Variants in FILIP1L observed in about 807,000 individuals in gnomAD.
FILIP1L encodes filamin A-interacting protein 1-like.
A neutral mutation model predicts 96.6 loss-of-function variants in FILIP1L; 55 were observed. That is an observed-to-expected ratio of 0.57 (90% CI 0.46 to 0.71). The LOEUF (loss-of-function observed/expected upper bound fraction) is 0.71. FILIP1L is among the 30% of genes least tolerant of loss of function. The pLI is 0.00. For missense variants in FILIP1L, 1,304 were observed against 1,321.2 expected (o/e 0.99, Z 0.20); for synonymous variants, 467 against 473.9 (o/e 0.99, Z 0.19).
At chr3:99,984,990 C>T (rs1034530493) in intron 1 of FILIP1L, among the ~76,000 whole-genome samples, 3 of 152,034 alleles carry the variant, frequency 2.0e-5, no homozygotes, top group Non-Finnish European at 4.4e-5. Context: ...TGAGATAACT[C>T]GTGTTAAAAA....
chr3:99,905,470 C>T (rs1233563259), intron 4 of FILIP1L, among the ~76,000 whole-genome samples: 4 of 152,210 alleles, frequency 2.6e-5, no homozygotes, highest in Non-Finnish European at 1.5e-5. Flanking sequence ...GTATGTCTTG[C>T]ATCTTTAGAA....
At chr3:99,859,381 G>A (rs1576521001) in intron 4 of FILIP1L, among the ~76,000 whole-genome samples, 2 of 152,286 alleles carry the variant, frequency 1.3e-5, no homozygotes, top group South Asian at 4.1e-4. Flanking sequence ...AGCTTGTTTG[G>A]TCTTAAGATG....
At chr3:99,967,307 A>G (rs145797433) in intron 1 of FILIP1L, among the ~76,000 whole-genome samples, 1 of 152,342 alleles carries the variant, frequency 6.6e-6, no homozygotes, top group East Asian at 1.9e-4. Context: ...AGTGTTGGTA[A>G]TAATGCCTTG....
intron 1 of FILIP1L, among the ~76,000 whole-genome samples, chr3:99,932,620 T>C (rs1707519096): frequency 6.6e-6 from 1 of 152,186 alleles, no homozygotes; most frequent in South Asian, 2.1e-4. Context: ...CCAGGCACAA[T>C]GGCTCACACC....
At chr3:99,899,934 A>G (rs1019384620) in intron 4 of FILIP1L, among the ~76,000 whole-genome samples, 1 of 152,228 alleles carries the variant, frequency 6.6e-6, no homozygotes, top group African/African-American at 2.4e-5. Flanking sequence ...TGTTACTAGT[A>G]CATTCCTAAG....
chr3:99,831,431 A>T (rs983178458), intron 5 of FILIP1L, among the ~76,000 whole-genome samples: 1 of 152,186 alleles, frequency 6.6e-6, no homozygotes, highest in Admixed American at 6.5e-5. Flanking sequence ...CATATTTTAT[A>T]GTAAGTATGC....
intron 1 of FILIP1L, among the ~76,000 whole-genome samples, chr3:100,005,313 C>G (rs910952463): frequency 2.0e-5 from 3 of 152,170 alleles, no homozygotes; most frequent in Non-Finnish European, 4.4e-5. Flanking sequence ...GTCACTCAAA[C>G]AGGCTGTCTT....
intron 1 of FILIP1L, among the ~76,000 whole-genome samples, chr3:99,992,687 G>GT (rs909530631): frequency 2.1e-4 from 31 of 150,820 alleles, no homozygotes; most frequent in South Asian, 4.2e-4. Flanking sequence ...AATTTGTCTA[G>GT]TTTTTTTTTG....
intron 5 of FILIP1L, chr3:99,833,095 A>G (rs527916055): frequency 2.8e-6 from 2 of 720,710 alleles, no homozygotes; most frequent in East Asian, 5.5e-5. Flanking sequence ...GGGTTTCATC[A>G]AAGAGCAGAT....
chr3:99,837,909 G>A (rs1942966182), intron 5 of FILIP1L, among the ~76,000 whole-genome samples: 1 of 152,158 alleles, frequency 6.6e-6, no homozygotes, highest in African/African-American at 2.4e-5. Flanking sequence ...TTTTCTGAAA[G>A]TCTTGGGTCA....
chr3:100,040,305 A>G (rs1373013275), intron 1 of FILIP1L: 1 of 152,146 alleles, frequency 6.6e-6, no homozygotes, highest in East Asian at 1.9e-4. Flanking sequence ...CTCTTTTAAA[A>G]AAAGTATTAA....
intron 4 of FILIP1L, among the ~76,000 whole-genome samples, chr3:99,872,685 G>A (rs1013232647): frequency 6.6e-6 from 1 of 151,874 alleles, no homozygotes; most frequent in Non-Finnish European, 1.5e-5. Flanking sequence ...CGGTCAGACT[G>A]GAAAAAGAAT....
chr3:99,834,618 C>G (rs1942820155), intron 5 of FILIP1L, among the ~76,000 whole-genome samples: 1 of 152,222 alleles, frequency 6.6e-6, no homozygotes, highest in Non-Finnish European at 1.5e-5. Context: ...TTTTATCCAT[C>G]TGTGAACTTT....
intron 1 of FILIP1L, among the ~76,000 whole-genome samples, chr3:100,085,039 T>C (rs1300690772): frequency 6.6e-6 from 1 of 152,224 alleles, no homozygotes; most frequent in Non-Finnish European, 1.5e-5. Flanking sequence ...AATATGTATG[T>C]ATGGTACAGA....
Position 99,848,584 on chromosome 3 carries a change from A to G in FILIP1L, c.3092T>C (p.Ile1031Thr), listed in dbSNP as rs531864166. Residue 1031 changes from isoleucine (I) to threonine (T), a missense_variant, in exon 5 of 6, where the codon ATA (isoleucine) becomes ACA (threonine). By Grantham distance (89) the Ile-to-Thr change is moderately conservative. Coordinates refer to ENST00000477258, the MANE Select transcript of FILIP1L (RefSeq NM_001387850.1). ...CTGCCGGTCTGGGGAGACTCTGAAT[A>G]TCGCATGCTTGGCACTGATTTCTGT... is the stretch of plus-strand genomic sequence containing the variant. ...EPTEISAKHAIFRVSPDRQSS... is the reference protein window; with the variant it reads ...EPTEISAKHATFRVSPDRQSS... 1.2e-6 allele frequency: 2 copies of G among 1,614,210 alleles called. No individual in the cohort carries two copies. The highest frequency in any genetic ancestry group is 1.3e-5 in the African/African-American group (1 of 75,042).
chr3:100,072,873 C>G (rs1198208474), intron 1 of FILIP1L, among the ~76,000 whole-genome samples: 1 of 152,222 alleles, frequency 6.6e-6, no homozygotes, highest in Non-Finnish European at 1.5e-5. Context: ...TACCTACCCA[C>G]TTCCTCTAAC....
chr3:100,002,102 A>G (rs998171859), intron 1 of FILIP1L, among the ~76,000 whole-genome samples: 8 of 152,198 alleles, frequency 5.3e-5, no homozygotes, highest in Admixed American at 3.3e-4. Flanking sequence ...AGTGGAAAAC[A>G]TGCCCAAAGC....
At chr3:99,940,464 C>T (rs1707819242) in intron 1 of FILIP1L, among the ~76,000 whole-genome samples, 1 of 152,164 alleles carries the variant, frequency 6.6e-6, no homozygotes, top group South Asian at 2.1e-4. Flanking sequence ...CCGTTTGGAC[C>T]TTGGAGCCAG....
chr3:100,074,876 TAGAGACAGGG>T (rs1247503243), intron 1 of FILIP1L, among the ~76,000 whole-genome samples: 44 of 151,826 alleles, frequency 2.9e-4, no homozygotes, highest in African/African-American at 1.1e-3. Flanking sequence ...GTCTTTTTAA[TAGAGACAGGG>T]TTTCGCCGTG....
Sources: gnomAD v4.1 joint callset for allele counts (sites outside exome capture counted in the v4.1 genomes callset) on GRCh38, gnomAD v4.1.1 for gene constraint, MANE v1.5 for transcripts, NCBI Gene and HGNC (gene_info 2026-07-23, HGNC 2026-07-21) for gene names.